CAST: variants seen among roughly 807,000 people sequenced by gnomAD.
The protein encoded by CAST is calpastatin.
CAST carries 76 observed loss-of-function variants against 119.6 expected under a neutral mutation model. The observed-to-expected ratio is 0.64, with a 90% CI of 0.53 to 0.77. CAST has a LOEUF of 0.77. Among genes scored for constraint, CAST ranks in the 30% least tolerant of loss-of-function variants. CAST has a pLI of 0.00. For missense variants in CAST, 953 were observed against 946.5 expected (o/e 1.01, Z -0.09); for synonymous variants, 319 against 331.6 (o/e 0.96, Z 0.41).
At chr5:96,088,717 C>T in the CAST span, among the ~76,000 whole-genome samples, 6 of 152,098 alleles carry the variant, frequency 3.9e-5, no homozygotes, top group African/African-American at 1.2e-4. Context: ...AAGCACTGCC[C>T]GATACTTGTC....
chr5:96,643,060 G>C (rs1473938814), intron 1 of CAST, among the ~76,000 whole-genome samples: 2 of 152,026 alleles, frequency 1.3e-5, no homozygotes, highest in East Asian at 3.8e-4. Context: ...TGCCTCTCTG[G>C]GCTGTGCTCT....
the CAST span, chr5:96,398,733 G>C: frequency 1.4e-6 from 1 of 734,386 alleles, no homozygotes; most frequent in Non-Finnish European, 2.4e-6. Context: ...CTAACACCAA[G>C]AAAAAGGAAA....
rs767589566 is a variant in CAST at position 96,767,990 on chromosome 5, C to T, written c.2259C>T (p.Asn753=). The T allele has an allele frequency of 1.2e-6, 2 of 1,608,388 alleles. No individual in the cohort carries two copies. Among genetic ancestry groups the T allele is most frequent in the Non-Finnish European group, 1.7e-6 (2 of 1,174,902 alleles). ...CCTCCACTACAGAAACCTCACAGAACACAGCAAAGGTACTGTGCTTTTTCA... is the reference window on the plus strand; with the variant it reads ...CCTCCACTACAGAAACCTCACAGAATACAGCAAAGGTACTGTGCTTTTTCA... ...SCPSTTETSQ[N]TAKDKCKKAA... Residue 753 remains asparagine (N), a synonymous_variant, in exon 29 of 32, where the codon AAC becomes AAT. Coordinates refer to ENST00000675179, the MANE Select transcript of CAST (RefSeq NM_001750.7).
chr5:96,022,120 G>A, the CAST span, among the ~76,000 whole-genome samples: 1 of 152,196 alleles, frequency 6.6e-6, no homozygotes, highest in Non-Finnish European at 1.5e-5. Flanking sequence ...ATGTACATAG[G>A]TTATGTGCAA....
the CAST span, among the ~76,000 whole-genome samples, chr5:96,314,083 C>T: frequency 6.6e-6 from 1 of 152,076 alleles, no homozygotes; most frequent in Non-Finnish European, 1.5e-5. Flanking sequence ...TTGTTTGGGA[C>T]CTTGCTATCA....
chr5:96,522,023 G>A (rs760831360), upstream of CAST, among the ~76,000 whole-genome samples: 1 of 152,116 alleles, frequency 6.6e-6, no homozygotes, highest in Non-Finnish European at 1.5e-5. Flanking sequence ...GGCTCAGGCA[G>A]GAGAATGGTA....
chr5:95,996,638 GTCTT>G, the CAST span, among the ~76,000 whole-genome samples: 1 of 152,056 alleles, frequency 6.6e-6, no homozygotes, highest in Non-Finnish European at 1.5e-5. Flanking sequence ...TTCATGATGT[GTCTT>G]TCTTATAATG....
the CAST span, among the ~76,000 whole-genome samples, chr5:96,277,714 T>C: frequency 6.6e-6 from 1 of 151,938 alleles, no homozygotes; most frequent in East Asian, 1.9e-4. Context: ...GCTAAAAATA[T>C]AGTCTCAAAA....
At chr5:96,075,022 G>T in the CAST span, among the ~76,000 whole-genome samples, 2 of 152,148 alleles carry the variant, frequency 1.3e-5, no homozygotes, top group African/African-American at 4.8e-5. Context: ...CCAGGAAGTG[G>T]TCTGCCAGGA....
At chr5:96,701,891 A>T (rs1336979080) in intron 3 of CAST, among the ~76,000 whole-genome samples, 1 of 152,098 alleles carries the variant, frequency 6.6e-6, no homozygotes, top group Admixed American at 6.6e-5. Context: ...ATTTCACTAG[A>T]TTTTTGACAG....
the CAST span, among the ~76,000 whole-genome samples, chr5:96,388,666 A>C: frequency 1.3e-5 from 2 of 152,220 alleles, no homozygotes; most frequent in African/African-American, 4.8e-5. Context: ...ATTACAAGGC[A>C]GTTGGAAGGC....
the CAST span, among the ~76,000 whole-genome samples, chr5:96,284,128 G>GA: frequency 1.3e-5 from 2 of 151,984 alleles, no homozygotes; most frequent in Non-Finnish European, 2.9e-5. Context: ...TTTCACAGAG[G>GA]AAAAAAGGAA....
chr5:96,739,728 A>C (rs961960891), intron 11 of CAST, among the ~76,000 whole-genome samples: 3 of 152,226 alleles, frequency 2.0e-5, no homozygotes, highest in Non-Finnish European at 4.4e-5. Context: ...TCATTATCTT[A>C]TTAACTGCTC....
At chr5:96,489,974 G>C in the CAST span, among the ~76,000 whole-genome samples, 1 of 152,236 alleles carries the variant, frequency 6.6e-6, no homozygotes, top group Non-Finnish European at 1.5e-5. Context: ...AAATAGTAAT[G>C]AAGAGGATAA....
chr5:96,599,182 A>G (rs1747102323), intron 1 of CAST, among the ~76,000 whole-genome samples: 1 of 152,190 alleles, frequency 6.6e-6, no homozygotes, highest in Admixed American at 6.5e-5. Flanking sequence ...AAATATTTTC[A>G]AGTTGTCAGA....
chr5:96,174,032 G>A, the CAST span, among the ~76,000 whole-genome samples: 45 of 152,190 alleles, frequency 3.0e-4, no homozygotes, highest in Non-Finnish European at 5.7e-4. Flanking sequence ...GTGAGCCACC[G>A]CGCCCGGCCT....
At chr5:96,066,230 G>T in the CAST span, among the ~76,000 whole-genome samples, 2 of 152,086 alleles carry the variant, frequency 1.3e-5, no homozygotes, top group Non-Finnish European at 2.9e-5. Context: ...TGCTGACAGG[G>T]TCAGCCTGAA....
chr5:96,438,427 T>A, the CAST span, among the ~76,000 whole-genome samples: 1 of 152,204 alleles, frequency 6.6e-6, no homozygotes, highest in African/African-American at 2.4e-5. Context: ...TATCTTCTTT[T>A]ATGGTCCAGT....
At chr5:96,169,944 T>A in the CAST span, among the ~76,000 whole-genome samples, 1 of 151,832 alleles carries the variant, frequency 6.6e-6, no homozygotes, top group African/African-American at 2.4e-5. Flanking sequence ...GTTGGGGAGT[T>A]TTAAGAGGTT....
Sources: allele counts gnomAD v4.1 joint callset (sites outside exome capture counted in the v4.1 genomes callset), GRCh38; gene constraint gnomAD v4.1.1; transcripts MANE v1.5; gene names NCBI Gene and HGNC (gene_info 2026-07-23, HGNC 2026-07-21).